ZNF431: variants seen among roughly 807,000 people sequenced by gnomAD.
ZNF431 encodes zinc finger protein 431.
A neutral mutation model predicts 57.0 loss-of-function variants in ZNF431; 34 were observed. The ratio of observed to expected loss-of-function variants is 0.60; its 90% CI spans 0.45 to 0.79. The LOEUF is 0.79. Among genes scored for constraint, ZNF431 ranks in the 30% least tolerant of loss-of-function variants. The probability of loss-of-function intolerance (pLI) is 0.00; values close to 1 mark genes in which losing one functional copy is unlikely to be tolerated. For missense variants in ZNF431, 607 were observed against 667.1 expected, an observed-to-expected ratio of 0.91 and a Z score of 0.99; for synonymous variants, 207 against 220.3, an observed-to-expected ratio of 0.94 and a Z score of 0.54.
Position 21,182,898 on chromosome 19 carries a change from A to G in ZNF431, c.595A>G (p.Thr199Ala). The change falls in exon 5 of 5, where the codon ACT becomes GCT. Residue 199 changes from threonine (T) to alanine (A), a missense_variant. Thr to Ala is a moderately conservative substitution (Grantham distance 58, BLOSUM62 0). Transcript: ENST00000311048. ...TGCAAATAGACATAAGACAAGACAT[A>G]CTGGAAAGAAACCTTTCAAATGTAA... ...LNANRHKTRH[T>A]GKKPFKCKKC... 6.2e-7 allele frequency: 1 copy of G among 1,614,072 alleles called. No individual in the cohort carries two copies. The highest frequency in any genetic ancestry group is 8.5e-7 in the Non-Finnish European group (1 of 1,179,958).
intron 1 of ZNF431, 71 bp from the exon 2 acceptor site, chr19:21,143,470 GGATGAACTAA>G: frequency 9.0e-7 from 1 of 1,115,494 alleles, no homozygotes; most frequent in Non-Finnish European, 1.4e-6. Context: ...TGCTGTCTGG[GGATGAACTAA>G]GATATCCACC....
chr19:21,157,208 C>G (rs1049835783), intron 2 of ZNF431, among the ~76,000 whole-genome samples: 2 of 152,168 alleles, frequency 1.3e-5, no homozygotes, highest in Non-Finnish European at 1.5e-5. Context: ...TACCGTCTCA[C>G]CTCACTGCAA....
intron 4 of ZNF431, among the ~76,000 whole-genome samples, chr19:21,171,234 T>TG (rs1314177432): frequency 2.0e-5 from 3 of 152,224 alleles, no homozygotes; most frequent in Non-Finnish European, 4.4e-5. Context: ...ATACAGTGCA[T>TG]GCCAATGATT....
At chr19:21,169,925 C>T (rs1289422239) in intron 4 of ZNF431, 2 of 398,302 alleles carry the variant, frequency 5.0e-6, no homozygotes, top group Non-Finnish European at 8.9e-6. Flanking sequence ...GTGTCTTCCT[C>T]CAGGTCTCTG....
intron 2 of ZNF431, chr19:21,149,914 C>T: frequency 1.6e-6 from 1 of 616,358 alleles, no homozygotes; most frequent in Non-Finnish European, 3.0e-6. Flanking sequence ...AAGGGACTCC[C>T]CTTTTATGAC....
chr19:21,165,527 C>G (rs907293937), intron 2 of ZNF431, among the ~76,000 whole-genome samples: 8 of 152,174 alleles, frequency 5.3e-5, no homozygotes, highest in African/African-American at 1.7e-4. Flanking sequence ...CTGTGTGCAT[C>G]AGCACATCAT....
At position 21,183,706 on chromosome 19, in the gene ZNF431, C is replaced by T. The variant is rs765752416; in HGVS notation, c.1403C>T (p.Ser468Leu). The T allele has an allele frequency of 6.8e-6, 11 of 1,613,564 alleles. No individual in the cohort carries two copies. Among genetic ancestry groups the T allele is most frequent in the Middle Eastern group, 1.6e-4 (1 of 6,084 alleles). ...GAATGTGGCAAAGCTTTTAGCCAGT[C>T]ATCAATCCTTACTACACATAAGAGA... is the stretch of plus-strand genomic sequence containing the variant. ...CEECGKAFSQ[S>L]SILTTHKRIH... The change falls in exon 5 of 5, where the codon TCA (serine) becomes TTA (leucine). Residue 468 changes from serine (S) to leucine (L), a missense_variant. Coordinates refer to ENST00000311048, the MANE Select transcript of ZNF431 (RefSeq NM_133473.4).
At chr19:21,143,384 AG>A (rs1969995102) in intron 1 of ZNF431, among the ~76,000 whole-genome samples, 166 bp from the exon 2 acceptor site, 1 of 152,162 alleles carries the variant, frequency 6.6e-6, no homozygotes, top group Non-Finnish European at 1.5e-5. Flanking sequence ...TTTTCGGTCA[AG>A]GTTTTCCTTT....
At position 21,195,457 on chromosome 19, in the gene ZNF431, T is replaced by G. The variant is rs767337875; in HGVS notation, c.*11423T>G. 1 of 152,166 alleles carries G rather than the reference T, an allele frequency of 6.6e-6. No individual in the cohort carries two copies. Among genetic ancestry groups the G allele is most frequent in the Non-Finnish European group, 1.5e-5 (1 of 68,024 alleles). 9.4% of individuals were successfully genotyped at this position (152,166 alleles called of 1,614,324 possible). A position where few individuals can be genotyped will look rare whatever the true frequency, so the allele number is the denominator to read the frequency against. Reference sequence around the variant, plus strand: ...AAAAGATACACAATTTTCTAAAAAATTTTTCTTTATGGGCGATTGAATAGT... The same window carrying G: ...AAAAGATACACAATTTTCTAAAAAAGTTTTCTTTATGGGCGATTGAATAGT... On this transcript the variant is annotated 3_prime_UTR_variant, in exon 5 of 5. Coordinates refer to ENST00000311048, the MANE Select transcript of ZNF431 (RefSeq NM_133473.4).
intron 2 of ZNF431, among the ~76,000 whole-genome samples, chr19:21,161,095 G>A (rs1463056252): frequency 6.6e-6 from 1 of 152,152 alleles, no homozygotes; most frequent in Non-Finnish European, 1.5e-5. Context: ...TTGAACCTGG[G>A]AGGTGGAGGT....
rs1040451568 is a variant in ZNF431 at position 21,187,734 on chromosome 19, A to T, written c.*3700A>T. ...GTCTGGGCGACAAGAGGGAAACTCCATCTGAAAAAAAAGAGAAATTCTTTT... is the reference window on the plus strand; with the variant it reads ...GTCTGGGCGACAAGAGGGAAACTCCTTCTGAAAAAAAAGAGAAATTCTTTT... On this transcript the variant is annotated 3_prime_UTR_variant, in exon 5 of 5. Transcript: ENST00000311048. 3 of 152,158 alleles carry T rather than the reference A, an allele frequency of 2.0e-5. No individual in the cohort carries two copies. Among genetic ancestry groups the T allele is most frequent in the Non-Finnish European group, 4.4e-5 (3 of 68,042 alleles). 9.4% of individuals were successfully genotyped at this position (152,158 alleles called of 1,614,324 possible). A position where few individuals can be genotyped will look rare whatever the true frequency, so the allele number is the denominator to read the frequency against.
rs1971308723 is a variant in ZNF431 at position 21,184,359 on chromosome 19, T to A, written c.*325T>A. ...GTGAGACTCCGTCTCAAAAAAAATT[T>A]ATACTGTACAAAAACCCCACAAGTG... On this transcript the variant is annotated 3_prime_UTR_variant, in exon 5 of 5. Transcript: ENST00000311048. 2 of 188,262 alleles carry A rather than the reference T, an allele frequency of 1.1e-5. No individual in the cohort carries two copies. Among genetic ancestry groups the A allele is most frequent in the South Asian group, 2.7e-4 (2 of 7,460 alleles). 11.7% of individuals were successfully genotyped at this position (188,262 alleles called of 1,614,324 possible). A position where few individuals can be genotyped will look rare whatever the true frequency, so the allele number is the denominator to read the frequency against.
In ZNF431 at chr19:21,184,231, T is replaced by TCCCATCTACTC; in HGVS notation, c.*198_*208dup. The TCCCATCTACTC allele has an allele frequency of 2.1e-6, 1 of 475,734 alleles. No individual in the cohort carries two copies. Among genetic ancestry groups the TCCCATCTACTC allele is most frequent in the Non-Finnish European group, 3.7e-6 (1 of 272,414 alleles). The allele number at this position is 475,734 out of a possible 1,614,324, so 29.5% of individuals were successfully genotyped here. On this transcript the variant is annotated 3_prime_UTR_variant, in exon 5 of 5. Coordinates refer to ENST00000311048, the MANE Select transcript of ZNF431 (RefSeq NM_133473.4). The stretch of plus-strand genomic sequence containing the variant: ...TGGGTGTGGTGGCACGTGCCTGTAT[T>TCCCATCTACTC]CCCATCTACTCGGGAGGCTTAGGCA...
chr19:21,175,579 C>T, intron 4 of ZNF431: 1 of 544,996 alleles, frequency 1.8e-6, no homozygotes, highest in South Asian at 2.5e-5. Context: ...CTGATTCTCT[C>T]CCTCCCCGTG....
intron 4 of ZNF431, among the ~76,000 whole-genome samples, chr19:21,179,057 T>C (rs1378359496): frequency 6.6e-6 from 1 of 152,182 alleles, no homozygotes; most frequent in Non-Finnish European, 1.5e-5. Flanking sequence ...TTGTCATTGG[T>C]CTATGCAGCG....
intron 2 of ZNF431, chr19:21,149,996 T>C (rs1970223717): frequency 1.7e-6 from 1 of 587,678 alleles, no homozygotes; most frequent in Admixed American, 2.3e-5. Context: ...CTGAACTTTC[T>C]TTTTCTCCAC....
chr19:21,175,962 A>G (rs369486493), intron 4 of ZNF431, among the ~76,000 whole-genome samples: 98 of 152,328 alleles, frequency 6.4e-4, no homozygotes, highest in African/African-American at 2.2e-3. Flanking sequence ...TGTTGGGTCC[A>G]ATAGTATATC....
intron 3 of ZNF431, among the ~76,000 whole-genome samples, chr19:21,166,752 CATCACCAAT>C (rs1568306009): frequency 6.6e-6 from 1 of 152,116 alleles, no homozygotes; most frequent in Non-Finnish European, 1.5e-5. Flanking sequence ...ATCTATTTGC[CATCACCAAT>C]TTTTGATTCA....
Position 21,183,896 on chromosome 19 carries a change from G to A in ZNF431, c.1593G>A (p.Arg531=). ...FNQSSTLTKH[R]KIHTRQKPYN... Reference sequence around the variant, plus strand: ...AATCCTCAACTCTTACTAAACATAGGAAAATTCATACTAGACAGAAACCCT... The same window carrying A: ...AATCCTCAACTCTTACTAAACATAGAAAAATTCATACTAGACAGAAACCCT... Residue 531 remains arginine (R), a synonymous_variant, in exon 5 of 5, where the codon AGG becomes AGA. Coordinates refer to ENST00000311048, the MANE Select transcript of ZNF431 (RefSeq NM_133473.4). 6.2e-7 allele frequency: 1 copy of A among 1,613,806 alleles called. No homozygotes were observed. The highest frequency in any genetic ancestry group is 1.1e-5 in the South Asian group (1 of 91,070).
Sources: gnomAD v4.1 joint callset for allele counts (sites outside exome capture counted in the v4.1 genomes callset) on GRCh38, gnomAD v4.1.1 for gene constraint, MANE v1.5 for transcripts, NCBI Gene and HGNC (gene_info 2026-07-23, HGNC 2026-07-21) for gene names.